The following NADK variants were observed in gnomAD, a reference collection of about 807,000 sequenced individuals.
NADK encodes NAD kinase.
NADK carries 22 observed loss-of-function variants against 49.8 expected under a neutral mutation model. The observed-to-expected ratio is 0.44, with a 90% CI of 0.32 to 0.63. NADK has a LOEUF of 0.63. NADK is among the 30% of genes least tolerant of loss of function. The pLI is 0.06. For synonymous variants in NADK, 268 were observed against 253.7 expected (o/e 1.06, Z -0.54); for missense variants, 438 against 609.4 (o/e 0.72, Z 2.96).
At chr1:1,769,744 A>G (rs1216202913) in intron 1 of NADK, among the ~76,000 whole-genome samples, 1 of 151,950 alleles carries the variant, frequency 6.6e-6, no homozygotes, top group Non-Finnish European at 1.5e-5. Flanking sequence ...AAAGAAAAAA[A>G]AAAAAAGAAA....
At chr1:1,779,799 C>G (rs1646318757), upstream of NADK, 1 of 152,326 alleles carries the variant, frequency 6.6e-6, no homozygotes. Context: ...CTGGCCCAGC[C>G]ATTGTTTTCT....
chr1:1,756,279 C>G lies in NADK; in HGVS notation c.564G>C (p.Leu188=), dbSNP rs369614480. ...TCACCTGGAAAAGCGAGGAAGCGTACAGCAGCGTCCCGTCTCCCCCCAGGC... is the reference window on the plus strand; with the variant it reads ...TCACCTGGAAAAGCGAGGAAGCGTAGAGCAGCGTCCCGTCTCCCCCCAGGC... ...IICLGGDGTL[L]YASSLFQGSV... is the part of the protein sequence containing the mutation. The change falls in exon 6 of 12, where the codon CTG becomes CTC. Residue 188 remains leucine, a synonymous_variant. Coordinates refer to ENST00000341426, the MANE Select transcript of NADK (RefSeq NM_023018.5). 3 of 1,614,158 alleles carry G rather than the reference C, an allele frequency of 1.9e-6. No homozygotes were observed. The highest frequency in any genetic ancestry group is 2.5e-6 in the Non-Finnish European group (3 of 1,179,998).
chr1:1,779,858 T>G (rs1450498971), upstream of NADK: 1 of 152,352 alleles, frequency 6.6e-6, no homozygotes, highest in Non-Finnish European at 1.5e-5. Context: ...TGGCCCAGGG[T>G]CGGTGTGGAC....
chr1:1,777,045 A>G (rs978079882), intron 1 of NADK, among the ~76,000 whole-genome samples: 2 of 152,152 alleles, frequency 1.3e-5, no homozygotes, highest in African/African-American at 4.8e-5. Flanking sequence ...GCCACCATAA[A>G]CACGCCTGGA....
intron 3 of NADK, among the ~76,000 whole-genome samples, chr1:1,760,257 C>A (rs1029037161): frequency 6.6e-6 from 1 of 152,204 alleles, no homozygotes; most frequent in African/African-American, 2.4e-5. Context: ...ACAGACACTC[C>A]GGGAACCAGT....
chr1:1,759,751 C>A, intron 3 of NADK: 1 of 1,555,386 alleles, frequency 6.4e-7, no homozygotes, highest in Non-Finnish European at 8.7e-7. Context: ...TCCTGCGGGG[C>A]TGTCTGGCCT....
Position 1,777,370 on chromosome 1 carries a change from C to T in NADK, c.-41+919G>A, listed in dbSNP as rs141114145. ...AACAAGGTGTTAAAGTAACTAGCTT[C>T]TTAGACAAGATGACATCAGGAGGAA... On this transcript the variant is annotated intron_variant, in intron 1 of 11. Coordinates refer to ENST00000341426, the MANE Select transcript of NADK (RefSeq NM_023018.5). Among the ~76,000 whole-genome samples, 260 of 152,194 alleles carry T rather than the reference C, an allele frequency of 1.7e-3. 1 individual carries two copies. The highest frequency in any genetic ancestry group is 6.0e-3 in the African/African-American group (248 of 41,534).
chr1:1,756,853 C>G, intron 4 of NADK: 1 of 829,010 alleles, frequency 1.2e-6, no homozygotes. Flanking sequence ...AGTGGCTTTC[C>G]TGGGCGCCGC....
Position 1,755,361 on chromosome 1 carries a change from C to T in NADK, c.688+13G>A, listed in dbSNP as rs767088443. 5 of 1,598,458 alleles carry T rather than the reference C, an allele frequency of 3.1e-6. No homozygotes were observed. Among genetic ancestry groups the T allele is most frequent in the South Asian group, 1.1e-5 (1 of 90,774 alleles). On this transcript the variant is annotated intron_variant, in intron 7 of 11. Transcript: ENST00000341426. Reference sequence around the variant, plus strand: ...ATCAGAGCTCCTGTGGGCTCCAGAACATTCCAACTCACCCTCTATCACCTG... The same window carrying T: ...ATCAGAGCTCCTGTGGGCTCCAGAATATTCCAACTCACCCTCTATCACCTG...
At chr1:1,775,618 G>A (rs531621088) in intron 1 of NADK, among the ~76,000 whole-genome samples, 1 of 152,188 alleles carries the variant, frequency 6.6e-6, no homozygotes, top group Non-Finnish European at 1.5e-5. Context: ...ACCTACTTAG[G>A]GGCAGATGAA....
At chr1:1,761,202 A>G (rs1340274024) in intron 3 of NADK, among the ~76,000 whole-genome samples, 1 of 152,230 alleles carries the variant, frequency 6.6e-6, no homozygotes, top group East Asian at 1.9e-4. Flanking sequence ...CATATTGGCC[A>G]GGCTGGTCTT....
At chr1:1,769,982 A>G (rs1645999736) in intron 1 of NADK, among the ~76,000 whole-genome samples, 1 of 52,828 alleles carries the variant, frequency 1.9e-5, no homozygotes, top group African/African-American at 3.8e-5. Context: ...AACAAAAACA[A>G]AAACAAAAAC....
Position 1,754,465 on chromosome 1 carries a change from T to G in NADK, c.843+79A>C. 4 of 1,604,408 alleles carry G rather than the reference T, an allele frequency of 2.5e-6. No homozygotes were observed. In the South Asian group the frequency reaches 4.4e-5, roughly 18 times the overall value. On this transcript the variant is annotated intron_variant, in intron 8 of 11. Coordinates refer to ENST00000341426, the MANE Select transcript of NADK (RefSeq NM_023018.5). The surrounding 1 kb of genome is among the most constrained non-coding windows in gnomAD (Gnocchi z 4.3). ...CACCCTCCGTCTCACCCAGCCGGGCTCTCCGGAAGGTCCTCATCCCTGGGA... is the reference window on the plus strand; with the variant it reads ...CACCCTCCGTCTCACCCAGCCGGGCGCTCCGGAAGGTCCTCATCCCTGGGA...
At chr1:1,759,964 C>T (rs1645665248) in intron 3 of NADK, 3 of 1,513,568 alleles carry the variant, frequency 2.0e-6, no homozygotes, top group Non-Finnish European at 2.7e-6. Flanking sequence ...CGGTGGGGTG[C>T]CAGGGACACA....
At chr1:1,761,873 A>G (rs1645735869) in intron 3 of NADK, 79 bp downstream of exon 3, 2 of 1,373,750 alleles carry the variant, frequency 1.5e-6, no homozygotes, top group South Asian at 1.2e-5. Flanking sequence ...CCCCCATCCC[A>G]TGGCCCCCGG....
intron 3 of NADK, among the ~76,000 whole-genome samples, chr1:1,758,202 G>A (rs1193323669): frequency 2.6e-5 from 4 of 152,286 alleles, no homozygotes; most frequent in South Asian, 2.1e-4. Flanking sequence ...TTGCCCAATC[G>A]AGAAAGCTGC....
intron 1 of NADK, among the ~76,000 whole-genome samples, chr1:1,771,181 T>C (rs1033880697): frequency 2.0e-4 from 30 of 151,014 alleles, no homozygotes; most frequent in African/African-American, 6.6e-4. Flanking sequence ...TGGGGATATA[T>C]TTGGCAAAAG....
intron 1 of NADK, among the ~76,000 whole-genome samples, chr1:1,769,533 A>G (rs1169277735): frequency 6.6e-6 from 1 of 152,092 alleles, no homozygotes; most frequent in Admixed American, 6.5e-5. Context: ...CTTGGGCAAC[A>G]GAGCGAGACT....
intron 1 of NADK, among the ~76,000 whole-genome samples, chr1:1,774,314 T>C (rs1646144780): frequency 6.6e-6 from 1 of 152,078 alleles, no homozygotes; most frequent in South Asian, 2.1e-4. Context: ...CACCGCAAAC[T>C]CTGCCTCCCA....
Sources: gnomAD v4.1 joint callset for allele counts (sites outside exome capture counted in the v4.1 genomes callset) on GRCh38, gnomAD v4.1.1 for gene constraint, Gnocchi (gnomAD v3.1) non-coding constraint, MANE v1.5 for transcripts, NCBI Gene and HGNC (gene_info 2026-07-23, HGNC 2026-07-21) for gene names.